The following GATB variants were observed in gnomAD, a reference collection of about 807,000 sequenced individuals.
GATB encodes glutamyl-tRNA(Gln) amidotransferase subunit B, mitochondrial.
In GATB, 39 loss-of-function variants were observed where a neutral mutation model predicts 62.3. The ratio of observed to expected loss-of-function variants is 0.63; its 90% CI spans 0.48 to 0.82. The LOEUF (loss-of-function observed/expected upper bound fraction) is 0.82. Ranked by LOEUF, GATB falls within the 40% of genes least tolerant of loss-of-function variation. The pLI, the probability that GATB is intolerant of heterozygous loss-of-function variation, is 0.00. For synonymous variants in GATB, 276 were observed against 258.9 expected (o/e 1.07, Z -0.63); for missense variants, 670 against 684.0 (o/e 0.98, Z 0.23).
Position 151,711,186 on chromosome 4 carries a change from G to C in GATB, c.764-3085C>G, listed in dbSNP as rs1203158408. 3.9e-5 allele frequency among the ~76,000 whole-genome samples: 6 copies of C among 152,134 alleles called. No individual in the cohort carries two copies. In the East Asian group the frequency reaches 5.8e-4, roughly 15 times the overall value. ...TCCAAAACAGCATCATCTTCCATCT[G>C]AACTATTGCAAAAGCTTCTTAACTG... is the stretch of plus-strand genomic sequence containing the variant. On this transcript the variant is annotated intron_variant, in intron 5 of 12. Coordinates refer to ENST00000263985, the MANE Select transcript of GATB (RefSeq NM_004564.3).
intron 9 of GATB, among the ~76,000 whole-genome samples, chr4:151,698,346 G>A (rs1014582061): frequency 6.6e-6 from 1 of 152,158 alleles, no homozygotes; most frequent in African/African-American, 2.4e-5. Flanking sequence ...AAAGACTAGA[G>A]TTAAATTCTG....
intron 4 of GATB, among the ~76,000 whole-genome samples, chr4:151,716,403 C>G (rs185644866): frequency 1.9e-4 from 29 of 152,098 alleles, no homozygotes; most frequent in Non-Finnish European, 3.5e-4. Context: ...CCACCTCAGC[C>G]TCCTGAATAG....
intron 10 of GATB, among the ~76,000 whole-genome samples, chr4:151,685,578 G>C (rs955597032): frequency 1.3e-5 from 2 of 152,134 alleles, no homozygotes; most frequent in Admixed American, 1.3e-4. Context: ...CTGCACCTGG[G>C]CTCCAGGTAG....
chr4:151,736,034 A>G (rs1464810288), intron 2 of GATB, among the ~76,000 whole-genome samples: 5 of 151,990 alleles, frequency 3.3e-5, no homozygotes, highest in Non-Finnish European at 7.4e-5. Flanking sequence ...AAAAGAAGAA[A>G]CTAATGCTGA....
At chr4:151,760,076 T>A (rs1454583663) in intron 1 of GATB, among the ~76,000 whole-genome samples, 1 of 152,250 alleles carries the variant, frequency 6.6e-6, no homozygotes, top group Non-Finnish European at 1.5e-5. Flanking sequence ...TGAATACTTC[T>A]TTCTGGACAA....
intron 11 of GATB, chr4:151,676,338 A>C (rs1738005328): frequency 6.6e-6 from 1 of 152,256 alleles, no homozygotes; most frequent in Admixed American, 6.5e-5. Flanking sequence ...TTGTGTGTTA[A>C]ACGCGATTTC....
chr4:151,687,662 T>C (rs1738278069), intron 10 of GATB, among the ~76,000 whole-genome samples: 1 of 152,196 alleles, frequency 6.6e-6, no homozygotes, highest in Non-Finnish European at 1.5e-5. Flanking sequence ...TAATGAGGTC[T>C]AGAAGAGGTC....
chr4:151,708,798 C>T (rs561265163), intron 5 of GATB, among the ~76,000 whole-genome samples: 1 of 152,308 alleles, frequency 6.6e-6, no homozygotes, highest in South Asian at 2.1e-4. Flanking sequence ...TGACCCCATG[C>T]TGGGAGGACC....
chr4:151,696,530 T>G (rs760501846), intron 9 of GATB, among the ~76,000 whole-genome samples: 1 of 152,224 alleles, frequency 6.6e-6, no homozygotes, highest in Non-Finnish European at 1.5e-5. Flanking sequence ...GCGTAGGCCT[T>G]GAAGTCAGCA....
At chr4:151,738,349 C>T (rs1034382024) in intron 2 of GATB, among the ~76,000 whole-genome samples, 3 of 152,150 alleles carry the variant, frequency 2.0e-5, no homozygotes, top group Non-Finnish European at 4.4e-5. Flanking sequence ...GTGCCATTCT[C>T]GCGATAGTGA....
intron 5 of GATB, among the ~76,000 whole-genome samples, chr4:151,713,635 A>G (rs1738861836): frequency 6.6e-6 from 1 of 152,216 alleles, no homozygotes; most frequent in South Asian, 2.1e-4. Context: ...CAGATAAATC[A>G]AAGCCTGGGA....
chr4:151,708,119 A>G lies in GATB; in HGVS notation c.764-18T>C, dbSNP rs748088950. 1 of 1,520,382 alleles carries G rather than the reference A, an allele frequency of 6.6e-7. No homozygotes were observed. The allele number at this position is 1,520,382 out of a possible 1,614,324, so 94.2% of individuals were successfully genotyped here. ...CTGGCCCTCTGGAAGGAGAGAAGAA[A>G]ACAACTCCTTAGAAATTCTTTGAGG... On this transcript the variant is annotated intron_variant, in intron 5 of 12. Transcript: ENST00000263985.
intron 9 of GATB, among the ~76,000 whole-genome samples, chr4:151,695,930 ATTTTTTTTT>A (rs57028979): frequency 8.1e-6 from 1 of 122,850 alleles, no homozygotes; most frequent in African/African-American, 3.3e-5. Context: ...GCTAATTTAA[ATTTTTTTTT>A]TTTTTTTTTT....
At chr4:151,722,653 G>A (rs1739053950) in intron 2 of GATB, 1 of 166,716 alleles carries the variant, frequency 6.0e-6, no homozygotes, top group African/African-American at 2.4e-5. Context: ...TACCTCTTCT[G>A]ACCTTCTACA....
chr4:151,710,833 C>T (rs1031941844), intron 5 of GATB, among the ~76,000 whole-genome samples: 14 of 152,190 alleles, frequency 9.2e-5, no homozygotes, highest in African/African-American at 3.4e-4. Flanking sequence ...TTAAATACCA[C>T]CTCATGCTGA....
At chr4:151,706,888 G>C (rs918593810) in intron 6 of GATB, among the ~76,000 whole-genome samples, 3 of 152,160 alleles carry the variant, frequency 2.0e-5, no homozygotes, top group African/African-American at 7.2e-5. Context: ...TTCCTCTCTA[G>C]ATAGCTTCGG....
intron 2 of GATB, among the ~76,000 whole-genome samples, chr4:151,737,750 G>A (rs1739406952): frequency 6.6e-6 from 1 of 152,196 alleles, no homozygotes; most frequent in African/African-American, 2.4e-5. Context: ...AGCCACTCCA[G>A]CGTGACTAAA....
chr4:151,758,771 C>A lies in GATB; in HGVS notation c.327+1G>T. 1 of 1,564,128 alleles carries A rather than the reference C, an allele frequency of 6.4e-7. No homozygotes were observed. Among genetic ancestry groups the A allele is most frequent in the Non-Finnish European group, 8.6e-7 (1 of 1,158,646 alleles). ...AAAATAGGATTAAATAAGAATCTTACCGGCAAAGTTCCAGGTAGAGATGCA... is the reference window on the plus strand; with the variant it reads ...AAAATAGGATTAAATAAGAATCTTAACGGCAAAGTTCCAGGTAGAGATGCA... On this transcript the variant is annotated splice_donor_variant, in intron 2 of 12. Transcript: ENST00000263985. LOFTEE classifies it high-confidence loss of function.
intron 2 of GATB, among the ~76,000 whole-genome samples, chr4:151,741,121 T>G (rs889635769): frequency 6.6e-6 from 1 of 152,182 alleles, no homozygotes; most frequent in African/African-American, 2.4e-5. Flanking sequence ...AAGTCCGATA[T>G]AGACTATTTT....
Sources: allele counts gnomAD v4.1 joint callset (sites outside exome capture counted in the v4.1 genomes callset), GRCh38; gene constraint gnomAD v4.1.1; transcripts MANE v1.5; gene names NCBI Gene and HGNC (gene_info 2026-07-23, HGNC 2026-07-21).